Variants in KCNA6 observed in about 807,000 individuals in gnomAD.
KCNA6 encodes the protein potassium voltage-gated channel subfamily A member 6.
Under a neutral mutation model 29.5 loss-of-function variants are expected in KCNA6, and 17 were observed. The observed-to-expected ratio is 0.58, with a 90% CI of 0.39 to 0.86. The LOEUF is 0.86. KCNA6 is among the 40% of genes least tolerant of loss of function. KCNA6 has a pLI of 0.00. For missense variants in KCNA6, 450 were observed against 703.4 expected, an observed-to-expected ratio of 0.64 and a Z score of 4.07; for synonymous variants, 296 against 304.7, an observed-to-expected ratio of 0.97 and a Z score of 0.30.
Position 4,811,345 on chromosome 12 carries a change from G to A in KCNA6, c.1304G>A (p.Gly435Glu). The A allele has an allele frequency of 6.2e-7, 1 of 1,613,854 alleles. No homozygotes were observed. The highest frequency in any genetic ancestry group is 8.5e-7 in the Non-Finnish European group (1 of 1,179,712). The change falls in exon 1 of 1, where the codon GGA (glycine) becomes GAA (glutamate). Residue 435 changes from glycine (G) to glutamate (E), a missense_variant. Physicochemically the swap from Gly to Glu is moderately conservative, Grantham distance 98. Coordinates refer to ENST00000280684, the Ensembl canonical transcript of KCNA6. The surrounding 1 kb of genome is among the most constrained non-coding windows in gnomAD (Gnocchi z 7.1). ...GACATGTACCCCATGACTGTGGGGG[G>A]AAAGATCGTGGGCTCGCTGTGTGCC...
Position 4,811,612 on chromosome 12 carries a change from G to C in KCNA6, c.1571G>C (p.Arg524Thr), listed in dbSNP as rs773647457. 1 of 1,613,918 alleles carries C rather than the reference G, an allele frequency of 6.2e-7. No homozygotes were observed. The highest frequency in any genetic ancestry group is 1.1e-5 in the South Asian group (1 of 91,060). Residue 524 changes from arginine to threonine, a missense_variant, in exon 1 of 1, where the codon AGA becomes ACA. Transcript: ENST00000280684. This position sits in a 1 kb window ranked among gnomAD's most constrained non-coding sequence, Gnocchi z 7.1. ...CCACATCGGGCCTATGCAGAGAAAA[G>C]AATGCTCACGGAGGTCTGACCCATG...
At chr12:4,823,544 A>T in the KCNA6 span, among the ~76,000 whole-genome samples, 1 of 152,232 alleles carries the variant, frequency 6.6e-6, no homozygotes, top group South Asian at 2.1e-4. Flanking sequence ...AGGCGGGCGA[A>T]TCACTTGAGG....
At chr12:4,827,206 CTCCTTCCT>C in the KCNA6 span, among the ~76,000 whole-genome samples, 36 of 113,896 alleles carry the variant, frequency 3.2e-4, no homozygotes, top group Non-Finnish European at 4.1e-4. Flanking sequence ...CCTTCCTTCC[CTCCTTCCT>C]TCCTTCCTTC....
At chr12:4,832,526 G>T in the KCNA6 span, among the ~76,000 whole-genome samples, 1 of 152,160 alleles carries the variant, frequency 6.6e-6, no homozygotes, top group Non-Finnish European at 1.5e-5. Context: ...ACATTGGCTT[G>T]TACCTCTGGC....
rs1165958190 is a variant in KCNA6, at chr12:4,810,985, T to C, written c.944T>C (p.Leu315Pro). 1 of 1,614,258 alleles carries C rather than the reference T, an allele frequency of 6.2e-7. No individual in the cohort carries two copies. Among genetic ancestry groups the C allele is most frequent in the Non-Finnish European group, 8.5e-7 (1 of 1,180,044 alleles). The change falls in exon 1 of 1, where the codon CTG becomes CCG. Residue 315 changes from leucine to proline, a missense_variant. Around this residue, in one of 7 missense-constraint regions of KCNA6, gnomAD observed 46 missense variants for 80.2 expected, o/e 0.57. Coordinates refer to ENST00000280684, the Ensembl canonical transcript of KCNA6. This position sits in a 1 kb window ranked among gnomAD's most constrained non-coding sequence, Gnocchi z 7.5. ...TACTTCATCACCCTGGGCACTGAGC[T>C]GGTGCAGCAGCAGGAGCAGCAACCA...
At position 4,811,507 on chromosome 12, in the gene KCNA6, T is replaced by C; in HGVS notation, c.1466T>C (p.Leu489Pro). 6.2e-7 allele frequency: 1 copy of C among 1,614,092 alleles called. No individual in the cohort carries two copies. The highest frequency in any genetic ancestry group is 8.5e-7 in the Non-Finnish European group (1 of 1,180,010). Reference sequence around the variant, plus strand: ...ACTTGTGGGCAGCCTGCGCCGGACCTGAGGGCAACTGACAACGGACTTGGC... The same window carrying C: ...ACTTGTGGGCAGCCTGCGCCGGACCCGAGGGCAACTGACAACGGACTTGGC... Residue 489 changes from leucine (L) to proline (P), a missense_variant, in exon 1 of 1, where the codon CTG (leucine) becomes CCG (proline). Leu to Pro is a moderately conservative substitution (Grantham distance 98, BLOSUM62 -3). This residue lies in a region of KCNA6 where 56 missense variants were observed against 65.2 expected (regional missense o/e 0.86). Coordinates refer to ENST00000280684, the Ensembl canonical transcript of KCNA6. The surrounding 1 kb of genome is among the most constrained non-coding windows in gnomAD (Gnocchi z 7.1).
At chr12:4,824,756 G>A in the KCNA6 span, among the ~76,000 whole-genome samples, 1 of 152,190 alleles carries the variant, frequency 6.6e-6, no homozygotes, top group Admixed American at 6.5e-5. Context: ...CTTCCTCCCC[G>A]ATGCGTAAGG....
At position 4,810,815 on chromosome 12, in the gene KCNA6, C is replaced by G. The variant is rs1209278737; in HGVS notation, c.774C>G (p.Phe258Leu). Reference sequence around the variant, plus strand: ...CACTCAGTACTCTTGGGGGCTCCTTCTTTACAGACCCCTTCTTTCTGGTGG... The same window carrying G: ...CACTCAGTACTCTTGGGGGCTCCTTGTTTACAGACCCCTTCTTTCTGGTGG... The change falls in exon 1 of 1, where the codon TTC becomes TTG. Residue 258 changes from phenylalanine (F) to leucine (L), a missense_variant. Phe to Leu is a conservative substitution (Grantham distance 22). Transcript: ENST00000280684. This position sits in a 1 kb window ranked among gnomAD's most constrained non-coding sequence, Gnocchi z 7.5. 2 of 1,591,984 alleles carry G rather than the reference C, an allele frequency of 1.3e-6. No homozygotes were observed. Among genetic ancestry groups the G allele is most frequent in the Admixed American group, 3.4e-5 (2 of 58,340 alleles).
chr12:4,830,873 A>G, the KCNA6 span, among the ~76,000 whole-genome samples: 23,257 of 152,174 alleles, frequency 0.15, 1,868 homozygotes, highest in Non-Finnish European at 0.17. Context: ...CATGGCCTTT[A>G]CCTACCTACC....
chr12:4,813,845 A>G (rs1946656358), downstream of KCNA6: 1 of 167,210 alleles, frequency 6.0e-6, no homozygotes. Flanking sequence ...GTATATGTGT[A>G]TGTAATCACC....
Position 4,811,273 on chromosome 12 carries a change from A to G in KCNA6, c.1232A>G (p.Asp411Gly). ...GATTCGCTTTTTCCCAGCATCCCGG[A>G]TGCCTTCTGGTGGGCAGTGGTTACA... Residue 411 changes from aspartate to glycine, a missense_variant, in exon 1 of 1, where the codon GAT (aspartate) becomes GGT (glycine). Asp to Gly is a moderately conservative substitution (Grantham distance 94, BLOSUM62 -1). Transcript: ENST00000280684. This position sits in a 1 kb window ranked among gnomAD's most constrained non-coding sequence, Gnocchi z 7.1. 4 of 1,614,208 alleles carry G rather than the reference A, an allele frequency of 2.5e-6. No homozygotes were observed. Among genetic ancestry groups the G allele is most frequent in the Non-Finnish European group, 3.4e-6 (4 of 1,180,032 alleles).
chr12:4,814,274 C>T (rs1946660764), downstream of KCNA6: 2 of 167,066 alleles, frequency 1.2e-5, no homozygotes, highest in Middle Eastern at 3.1e-3. The surrounding 1 kb of genome is among the most constrained non-coding windows in gnomAD (Gnocchi z 4.6). Flanking sequence ...CGAGGGGAGC[C>T]CTTAGAGGGG....
At position 4,811,871 on chromosome 12, in the gene KCNA6, C is replaced by G. The variant is rs1432150431; in HGVS notation, c.*240C>G. The G allele has an allele frequency of 1.9e-6, 1 of 537,524 alleles. No homozygotes were observed. The highest frequency in any genetic ancestry group is 1.9e-5 in the African/African-American group (1 of 52,684). The allele number at this position is 537,524 out of a possible 1,614,324, so 33.3% of individuals were successfully genotyped here. A position where few individuals can be genotyped will look rare whatever the true frequency, so the allele number is the denominator to read the frequency against. ...ATTCCAGCGGTGCCACCCAATCATG[C>G]CCAGCTTCTGTCATATGAATGAGAT... On this transcript the variant is annotated 3_prime_UTR_variant, in exon 1 of 1. Coordinates refer to ENST00000280684, the Ensembl canonical transcript of KCNA6. This position sits in a 1 kb window ranked among gnomAD's most constrained non-coding sequence, Gnocchi z 7.1.
chr12:4,845,785 A>G, the KCNA6 span, among the ~76,000 whole-genome samples: 1 of 152,136 alleles, frequency 6.6e-6, no homozygotes, highest in African/African-American at 2.4e-5. Context: ...AAGGGTAAAA[A>G]GGTAAAACAT....
chr12:4,820,564 CACACA>C, the KCNA6 span, among the ~76,000 whole-genome samples: 1 of 151,270 alleles, frequency 6.6e-6, no homozygotes, highest in Non-Finnish European at 1.5e-5. Flanking sequence ...CACACACACA[CACACA>C]CACACACACA....
chr12:4,826,459 C>G, the KCNA6 span, among the ~76,000 whole-genome samples: 1 of 152,178 alleles, frequency 6.6e-6, no homozygotes, highest in African/African-American at 2.4e-5. Context: ...ACATCTTGAG[C>G]CATGAGGAAA....
chr12:4,833,616 C>T, the KCNA6 span, among the ~76,000 whole-genome samples: 1 of 152,212 alleles, frequency 6.6e-6, no homozygotes, highest in African/African-American at 2.4e-5. Context: ...GATGTTAGGG[C>T]TTGAAGAAGT....
chr12:4,818,358 C>T (rs1007852993), downstream of KCNA6, among the ~76,000 whole-genome samples: 6 of 152,204 alleles, frequency 3.9e-5, no homozygotes, highest in African/African-American at 9.7e-5. Flanking sequence ...CTGATCGTCG[C>T]GGCTCAAATC....
the KCNA6 span, among the ~76,000 whole-genome samples, chr12:4,836,900 G>T: frequency 6.6e-6 from 1 of 152,164 alleles, no homozygotes; most frequent in Non-Finnish European, 1.5e-5. Flanking sequence ...GTGATATTGC[G>T]GAATATATAT....
Sources: allele counts gnomAD v4.1 joint callset (sites outside exome capture counted in the v4.1 genomes callset), GRCh38; gene constraint gnomAD v4.1.1; regional missense constraint gnomAD v4.1.1; non-coding constraint Gnocchi (gnomAD v3.1); transcripts MANE v1.5; gene names NCBI Gene and HGNC (gene_info 2026-07-23, HGNC 2026-07-21).